Variants in COPA observed in about 807,000 individuals in gnomAD.
COPA encodes coat protein complex I subunit alpha.
COPA carries 10 observed loss-of-function variants against 158.7 expected under a neutral mutation model. The observed-to-expected ratio is 0.06, with a 90% confidence interval of 0.04 to 0.11. The LOEUF is 0.11. Among genes scored for constraint, COPA ranks in the 10% least tolerant of loss-of-function variants. COPA has a pLI of 1.00. For synonymous variants in COPA, 462 were observed against 542.8 expected, an observed-to-expected ratio of 0.85 and a Z score of 2.07; for missense variants, 1,065 against 1,536.7, an observed-to-expected ratio of 0.69 and a Z score of 5.13.
intron 21 of COPA, 61 bp from the exon 22 acceptor site, chr1:160,296,210 G>C: frequency 6.9e-7 from 1 of 1,452,418 alleles, no homozygotes; most frequent in Non-Finnish European, 9.6e-7. Flanking sequence ...GCTGTGGTAA[G>C]CAACCTCTGA....
At chr1:160,298,798 C>G (rs565882576) in intron 19 of COPA, 47 bp downstream of exon 19, 2 of 1,606,538 alleles carry the variant, frequency 1.2e-6, no homozygotes, top group Non-Finnish European at 8.5e-7. Flanking sequence ...CACTCTAACT[C>G]TCTCACCTCT....
chr1:160,298,048 G>A (rs931319054), intron 19 of COPA, among the ~76,000 whole-genome samples: 1 of 151,992 alleles, frequency 6.6e-6, no homozygotes, highest in Non-Finnish European at 1.5e-5. Context: ...GGGAATCATG[G>A]TGCACGCCTG....
chr1:160,327,703 C>A (rs1224862502), intron 6 of COPA, among the ~76,000 whole-genome samples: 5 of 151,950 alleles, frequency 3.3e-5, no homozygotes, highest in African/African-American at 1.2e-4. Flanking sequence ...ACTAAAAATA[C>A]AAAAATTAGC....
chr1:160,330,185 A>G (rs1480613328), intron 6 of COPA, among the ~76,000 whole-genome samples: 1 of 151,810 alleles, frequency 6.6e-6, no homozygotes, highest in African/African-American at 2.4e-5. Context: ...CAAGCCCATC[A>G]GGCTCCTATA....
intron 21 of COPA, among the ~76,000 whole-genome samples, chr1:160,296,615 C>T (rs1189088564): frequency 6.6e-6 from 1 of 152,280 alleles, no homozygotes; most frequent in Non-Finnish European, 1.5e-5. Flanking sequence ...CATGAGAGAT[C>T]CTAAGCCGGA....
intron 7 of COPA, among the ~76,000 whole-genome samples, chr1:160,324,405 T>C (rs1322794045): frequency 1.3e-5 from 2 of 149,274 alleles, no homozygotes; most frequent in African/African-American, 4.9e-5. Flanking sequence ...CAAGTGATTC[T>C]CCTACCTCGG....
chr1:160,304,083 T>G (rs1658702648), intron 17 of COPA, among the ~76,000 whole-genome samples: 1 of 151,920 alleles, frequency 6.6e-6, no homozygotes, highest in Non-Finnish European at 1.5e-5. Context: ...GGTACGACCA[T>G]GGATCACTGC....
chr1:160,316,622 T>G (rs953753507), intron 8 of COPA, among the ~76,000 whole-genome samples: 15 of 151,456 alleles, frequency 9.9e-5, no homozygotes, highest in African/African-American at 3.6e-4. Context: ...TGGTGGTGCA[T>G]GCCTATAATC....
chr1:160,288,876 C>T lies in COPA; in HGVS notation c.*1281G>A, dbSNP rs74125570. Among the ~76,000 whole-genome samples the T allele has an allele frequency of 0.014, 2,122 of 152,232 alleles. 46 individuals carry two copies. The highest frequency in any genetic ancestry group is 0.042 in the African/African-American group (1,751 of 41,534). Reference sequence around the variant, plus strand: ...ATAATTAGCAAAAGATAAAAGGCTGCAATCAAAAACAGAATAAGGGAGCTA... The same window carrying T: ...ATAATTAGCAAAAGATAAAAGGCTGTAATCAAAAACAGAATAAGGGAGCTA... On this transcript the variant is annotated 3_prime_UTR_variant, in exon 33 of 33. Coordinates refer to ENST00000241704, the MANE Select transcript of COPA (RefSeq NM_004371.4).
At chr1:160,320,539 G>A (rs1255754171) in intron 8 of COPA, among the ~76,000 whole-genome samples, 1 of 147,946 alleles carries the variant, frequency 6.8e-6, no homozygotes, top group Non-Finnish European at 1.5e-5. Context: ...AACCCAGGAG[G>A]TGGAGGCTGC....
chr1:160,343,219 T>C lies in COPA; in HGVS notation c.-49A>G, dbSNP rs1292340368. On this transcript the variant is annotated 5_prime_UTR_variant, in exon 1 of 33. Transcript: ENST00000241704. ...TCTTAATCCGAGCCCCGACACACCCTGCTGCCCTTCGGACGCCTCCACGTC... is the reference window on the plus strand; with the variant it reads ...TCTTAATCCGAGCCCCGACACACCCCGCTGCCCTTCGGACGCCTCCACGTC... 6 of 1,612,996 alleles carry C rather than the reference T, an allele frequency of 3.7e-6. No homozygotes were observed. The highest frequency in any genetic ancestry group is 5.1e-6 in the Non-Finnish European group (6 of 1,179,022).
intron 8 of COPA, among the ~76,000 whole-genome samples, chr1:160,321,317 G>A (rs114100670): frequency 0.029 from 4,461 of 152,124 alleles, 217 homozygotes; most frequent in African/African-American, 0.1. Flanking sequence ...ACTTTTATTC[G>A]ACAAAACACT....
In COPA at chr1:160,332,500, G is replaced by C. The variant is rs375088629; in HGVS notation, c.444C>G (p.Asp148Glu). 9.9e-6 allele frequency: 16 copies of C among 1,613,784 alleles called. No individual in the cohort carries two copies. Among genetic ancestry groups the C allele is most frequent in the Non-Finnish European group, 1.4e-5 (16 of 1,179,974 alleles). Residue 148 changes from aspartate (D) to glutamate (E), a missense_variant, in exon 6 of 33, where the codon GAC becomes GAG. Coordinates refer to ENST00000241704, the MANE Select transcript of COPA (RefSeq NM_004371.4). ...VMCAQFHPTEDLVVSASLDQT... is the reference protein window; with the variant it reads ...VMCAQFHPTEELVVSASLDQT... ...GGTCCAGGCTGGCTGATACTACCAA[G>C]TCTTCTGTGGGGTGGAACTGAGCAC...
intron 10 of COPA, among the ~76,000 whole-genome samples, chr1:160,312,439 T>TA (rs1658997102): frequency 6.6e-6 from 1 of 152,216 alleles, no homozygotes; most frequent in Non-Finnish European, 1.5e-5. Context: ...AAATGGATGT[T>TA]AAAAACCCTT....
chr1:160,319,071 C>A (rs907937642), intron 8 of COPA, among the ~76,000 whole-genome samples: 2 of 151,904 alleles, frequency 1.3e-5, no homozygotes, highest in African/African-American at 4.8e-5. Context: ...GCTCTCAATT[C>A]TTCAATTAAA....
At chr1:160,319,914 C>CAAAAAAAAAA in intron 8 of COPA, among the ~76,000 whole-genome samples, 1 of 75,576 alleles carries the variant, frequency 1.3e-5, no homozygotes, top group South Asian at 4.8e-4. Flanking sequence ...ACACCTATGT[C>CAAAAAAAAAA]AAAAAAAAAA....
At position 160,298,921 on chromosome 1, in the gene COPA, T is replaced by C; in HGVS notation, c.1901A>G (p.Tyr634Cys). The part of the protein sequence containing the change: ...SIIAYLQKKG[Y>C]PEVALHFVKD... ...GACAAAATGCAGTGCCACTTCAGGA[T>C]AGCCCTTCTTCTGGAGATAAGCAAT... Residue 634 changes from tyrosine to cysteine, a missense_variant, in exon 19 of 33, where the codon TAT becomes TGT. By Grantham distance (194) the Tyr-to-Cys change is radical (BLOSUM62 -2). Coordinates refer to ENST00000241704, the MANE Select transcript of COPA (RefSeq NM_004371.4). 6.2e-7 allele frequency: 1 copy of C among 1,614,164 alleles called. No homozygotes were observed. Among genetic ancestry groups the C allele is most frequent in the Non-Finnish European group, 8.5e-7 (1 of 1,180,040 alleles).
chr1:160,292,443 A>G, intron 28 of COPA, 41 bp downstream of exon 28: 1 of 1,610,820 alleles, frequency 6.2e-7, no homozygotes, highest in Middle Eastern at 1.7e-4. Context: ...AATATCGACC[A>G]CAACTTGGAA....
chr1:160,340,347 C>T, intron 1 of COPA, 53 bp from the exon 2 acceptor site: 2 of 1,124,784 alleles, frequency 1.8e-6, no homozygotes, highest in Non-Finnish European at 1.3e-6. Flanking sequence ...ATGATGTCAC[C>T]TTCTGTCAAT....
Sources: allele counts gnomAD v4.1 joint callset (sites outside exome capture counted in the v4.1 genomes callset), GRCh38; gene constraint gnomAD v4.1.1; transcripts MANE v1.5; gene names NCBI Gene and HGNC (gene_info 2026-07-23, HGNC 2026-07-21).